The following ARK2C variants were observed in gnomAD, a reference collection of about 807,000 sequenced individuals.
ARK2C encodes E3 ubiquitin-protein ligase ARK2C.
chr18:46,435,722 G>C, the ARK2C span, among the ~76,000 whole-genome samples: 1 of 152,200 alleles, frequency 6.6e-6, no homozygotes, highest in East Asian at 1.9e-4. Context: ...GTGGTCCCTG[G>C]GGGGAGAGCA....
At chr18:46,375,910 T>C in the ARK2C span, among the ~76,000 whole-genome samples, 2 of 152,218 alleles carry the variant, frequency 1.3e-5, no homozygotes, top group Admixed American at 1.3e-4. Flanking sequence ...GTTCAGTCCC[T>C]GCCTTTGATG....
the ARK2C span, among the ~76,000 whole-genome samples, chr18:46,387,302 A>G: frequency 2.6e-5 from 4 of 152,282 alleles, no homozygotes; most frequent in African/African-American, 7.2e-5. Context: ...GGGGTTGGGG[A>G]TCTGCATTGA....
At chr18:46,371,123 T>G in the ARK2C span, among the ~76,000 whole-genome samples, 71 of 152,266 alleles carry the variant, frequency 4.7e-4, no homozygotes, top group African/African-American at 1.6e-3. Flanking sequence ...CTCCCATTTA[T>G]AAAACCATCG....
chr18:46,350,508 G>A, the ARK2C span, among the ~76,000 whole-genome samples: 2 of 152,176 alleles, frequency 1.3e-5, no homozygotes, highest in Admixed American at 6.5e-5. Flanking sequence ...GTGTCAAGAG[G>A]GGCAAGCATG....
At chr18:46,397,023 C>A in the ARK2C span, among the ~76,000 whole-genome samples, 1 of 152,218 alleles carries the variant, frequency 6.6e-6, no homozygotes, top group African/African-American at 2.4e-5. Context: ...GCTGTGCGAG[C>A]GTGGCCCAGA....
At chr18:46,383,945 C>T in the ARK2C span, among the ~76,000 whole-genome samples, 4 of 152,200 alleles carry the variant, frequency 2.6e-5, no homozygotes, top group African/African-American at 7.2e-5. Context: ...CCATGGAAGG[C>T]CAGTGACTCT....
At chr18:46,449,506 A>G in the ARK2C span, among the ~76,000 whole-genome samples, 1 of 152,130 alleles carries the variant, frequency 6.6e-6, no homozygotes, top group African/African-American at 2.4e-5. Context: ...GCAGAGTAGG[A>G]GTGATATGGT....
At chr18:46,417,070 A>C in the ARK2C span, among the ~76,000 whole-genome samples, 2 of 152,360 alleles carry the variant, frequency 1.3e-5, no homozygotes, top group East Asian at 3.9e-4. Flanking sequence ...TATGGAGTCT[A>C]TCTTGTCCTC....
chr18:46,366,190 GCTGAGGCAGGAGA>G, the ARK2C span, among the ~76,000 whole-genome samples: 28 of 150,984 alleles, frequency 1.9e-4, no homozygotes, highest in Non-Finnish European at 7.4e-5. Context: ...TACTCGGGAG[GCTGAGGCAGGAGA>G]CTCGCTTGAA....
chr18:46,347,580 C>A, the ARK2C span, among the ~76,000 whole-genome samples: 1 of 152,114 alleles, frequency 6.6e-6, no homozygotes, highest in Non-Finnish European at 1.5e-5. Context: ...TTCTTACCTG[C>A]CAGGTGAGTT....
chr18:46,429,654 A>G, the ARK2C span, among the ~76,000 whole-genome samples: 1 of 152,204 alleles, frequency 6.6e-6, no homozygotes, highest in Non-Finnish European at 1.5e-5. Context: ...TCCTGGTCAT[A>G]ATAATTGCCT....
chr18:46,383,607 T>C, the ARK2C span, among the ~76,000 whole-genome samples: 1 of 141,820 alleles, frequency 7.1e-6, no homozygotes, highest in Non-Finnish European at 1.5e-5. Flanking sequence ...CAGATTGGAG[T>C]ACAGTGGTGC....
At chr18:46,420,912 T>C in the ARK2C span, among the ~76,000 whole-genome samples, 1 of 152,170 alleles carries the variant, frequency 6.6e-6, no homozygotes, top group African/African-American at 2.4e-5. Context: ...TTTACTTGAG[T>C]CTTTGTTAAA....
the ARK2C span, chr18:46,336,184 C>G: frequency 3.0e-6 from 3 of 985,234 alleles, no homozygotes; most frequent in South Asian, 1.4e-4. Flanking sequence ...GAACATTACA[C>G]TAGGCAGAAA....
At chr18:46,350,068 A>T in the ARK2C span, among the ~76,000 whole-genome samples, 1 of 152,172 alleles carries the variant, frequency 6.6e-6, no homozygotes, top group Admixed American at 6.5e-5. Context: ...ACTCACATAC[A>T]TGTACACACA....
chr18:46,402,448 A>G, the ARK2C span, among the ~76,000 whole-genome samples: 1 of 152,258 alleles, frequency 6.6e-6, no homozygotes, highest in Non-Finnish European at 1.5e-5. Context: ...TATTGCATGG[A>G]ACATGCTTAT....
the ARK2C span, among the ~76,000 whole-genome samples, chr18:46,375,640 C>T: frequency 1.6e-4 from 25 of 151,764 alleles, no homozygotes; most frequent in Admixed American, 1.1e-3. Flanking sequence ...GAATGAATTG[C>T]GCCGTTATAT....
chr18:46,368,100 C>T, the ARK2C span, among the ~76,000 whole-genome samples: 2 of 152,202 alleles, frequency 1.3e-5, no homozygotes, highest in Non-Finnish European at 1.5e-5. Context: ...AATTGTGATG[C>T]ATACAAATGG....
the ARK2C span, among the ~76,000 whole-genome samples, chr18:46,384,528 C>A: frequency 6.6e-6 from 1 of 152,178 alleles, no homozygotes; most frequent in African/African-American, 2.4e-5. Flanking sequence ...TGGATACACA[C>A]CCCATGATAC....
Sources: allele counts gnomAD v4.1 joint callset (sites outside exome capture counted in the v4.1 genomes callset), GRCh38; gene constraint gnomAD v4.1.1; transcripts MANE v1.5; gene names NCBI Gene and HGNC (gene_info 2026-07-23, HGNC 2026-07-21).